ALCAM: variants seen among roughly 807,000 people sequenced by gnomAD.
ALCAM encodes CD166 antigen.
A neutral mutation model predicts 70.9 loss-of-function variants in ALCAM; 30 were observed. The ratio of observed to expected loss-of-function variants is 0.42; its 90% CI spans 0.32 to 0.57. ALCAM has a LOEUF of 0.57. Ranked by LOEUF, ALCAM falls within the 20% of genes least tolerant of loss-of-function variation. ALCAM has a pLI of 0.11. For synonymous variants in ALCAM, 249 were observed against 242.5 expected (o/e 1.03, Z -0.25); for missense variants, 591 against 695.1 (o/e 0.85, Z 1.68).
intron 1 of ALCAM, among the ~76,000 whole-genome samples, chr3:105,416,548 T>G (rs970218547): frequency 1.3e-5 from 2 of 152,010 alleles, no homozygotes; most frequent in Admixed American, 1.3e-4. Flanking sequence ...TTGCATATTA[T>G]TATTATTGAT....
intron 6 of ALCAM, among the ~76,000 whole-genome samples, chr3:105,535,293 G>A (rs1048492494): frequency 2.0e-5 from 3 of 152,128 alleles, no homozygotes; most frequent in Non-Finnish European, 4.4e-5. Flanking sequence ...TTGAAACAGA[G>A]TATTTGTCTA....
intron 1 of ALCAM, among the ~76,000 whole-genome samples, chr3:105,492,745 G>A (rs1427175983): frequency 6.6e-6 from 1 of 151,890 alleles, no homozygotes; most frequent in East Asian, 1.9e-4. Flanking sequence ...CTATTTTTGG[G>A]GTATTAATTT....
intron 1 of ALCAM, among the ~76,000 whole-genome samples, chr3:105,369,748 C>T (rs985845405): frequency 1.3e-5 from 2 of 152,002 alleles, no homozygotes; most frequent in African/African-American, 4.8e-5. Context: ...GTCAAAAACT[C>T]GAGTTTGTGA....
intron 1 of ALCAM, among the ~76,000 whole-genome samples, chr3:105,450,931 G>A (rs1445777619): frequency 6.6e-6 from 1 of 152,100 alleles, no homozygotes; most frequent in Admixed American, 6.6e-5. Context: ...ATGACGTAGA[G>A]TTTTAATTAA....
chr3:105,547,593 C>A lies in ALCAM; in HGVS notation c.1374+70C>A, dbSNP rs1225929469. On this transcript the variant is annotated intron_variant, in intron 11 of 15. Transcript: ENST00000306107. ...GTTTTTTTTCCTTCACGAACCTACC[C>A]TATAGGTTGGTTTGTTACCACATAA... is the stretch of plus-strand genomic sequence containing the variant. 63 of 1,545,162 alleles carry A rather than the reference C, an allele frequency of 4.1e-5. 1 individual carries two copies. In the Middle Eastern group the frequency reaches 1.0e-3, roughly 25 times the overall value.
rs1285235452 is a variant in ALCAM, at chr3:105,498,511, G to GTGTA, written c.74-21553_74-21552insATGT. Reference sequence around the variant, plus strand: ...GTTAGCCTGCCAAATGTGTGTGTGTGTGTGTGTGTTTTAATCATCTTTCTC... The same window carrying GTGTA: ...GTTAGCCTGCCAAATGTGTGTGTGTGTGTATGTGTGTGTTTTAATCATCTTTCTC... On this transcript the variant is annotated intron_variant, in intron 1 of 15. Coordinates refer to ENST00000306107, the MANE Select transcript of ALCAM (RefSeq NM_001627.4). Among the ~76,000 whole-genome samples the GTGTA allele has an allele frequency of 2.3e-4, 35 of 152,016 alleles. 1 individual carries two copies. The highest frequency in any genetic ancestry group is 1.3e-4 in the Non-Finnish European group (9 of 68,010).
chr3:105,409,164 A>G (rs1212319858), intron 1 of ALCAM, among the ~76,000 whole-genome samples: 1 of 152,048 alleles, frequency 6.6e-6, no homozygotes, highest in African/African-American at 2.4e-5. Context: ...CTAAAAGTAG[A>G]TCTACTATTT....
intron 1 of ALCAM, among the ~76,000 whole-genome samples, chr3:105,376,200 G>T (rs1205671566): frequency 6.6e-6 from 1 of 152,158 alleles, no homozygotes; most frequent in Admixed American, 6.5e-5. Flanking sequence ...GTAAAAGAAG[G>T]GTTGTTGGAA....
chr3:105,383,881 T>C (rs1303524202), intron 1 of ALCAM, among the ~76,000 whole-genome samples: 3 of 151,730 alleles, frequency 2.0e-5, no homozygotes, highest in Non-Finnish European at 1.5e-5. Context: ...TAGAAGTAAA[T>C]TAATGGTAAT....
intron 1 of ALCAM, among the ~76,000 whole-genome samples, chr3:105,415,014 A>G (rs1356960482): frequency 6.6e-6 from 1 of 152,116 alleles, no homozygotes; most frequent in Non-Finnish European, 1.5e-5. Flanking sequence ...GAGCTGACTC[A>G]AGAGATCTAT....
chr3:105,452,201 C>T (rs1211783985), intron 1 of ALCAM, among the ~76,000 whole-genome samples: 1 of 151,598 alleles, frequency 6.6e-6, no homozygotes, highest in African/African-American at 2.4e-5. Context: ...ATTGACCCAT[C>T]CTCTAAGTTC....
In ALCAM at chr3:105,539,285, A is replaced by G. The variant is rs969883671; in HGVS notation, c.731-690A>G. ...TTCACTGTATCCAGCATTTAATTTC[A>G]TTAGCATTCTACTATTGAGTGCTGA... On this transcript the variant is annotated intron_variant, in intron 6 of 15. Coordinates refer to ENST00000306107, the MANE Select transcript of ALCAM (RefSeq NM_001627.4). 6.6e-5 allele frequency among the ~76,000 whole-genome samples: 10 copies of G among 152,054 alleles called. 1 individual carries two copies. Among genetic ancestry groups the G allele is most frequent in the Admixed American group, 3.9e-4 (6 of 15,236 alleles).
At chr3:105,378,857 C>G (rs1935443597) in intron 1 of ALCAM, among the ~76,000 whole-genome samples, 2 of 151,870 alleles carry the variant, frequency 1.3e-5, no homozygotes, top group Admixed American at 1.3e-4. Flanking sequence ...TTCTAGAATC[C>G]ATCCAAAGTG....
chr3:105,404,770 T>A (rs1285206268), intron 1 of ALCAM, among the ~76,000 whole-genome samples: 1 of 151,922 alleles, frequency 6.6e-6, no homozygotes, highest in Non-Finnish European at 1.5e-5. Context: ...ATGACCTAAA[T>A]GCTCCACTTA....
intron 1 of ALCAM, among the ~76,000 whole-genome samples, chr3:105,419,839 T>A (rs1193248896): frequency 1.3e-5 from 2 of 151,818 alleles, no homozygotes; most frequent in Non-Finnish European, 2.9e-5. Flanking sequence ...CAAGTAATTA[T>A]AATATCACAT....
At chr3:105,438,832 A>C (rs1045395080) in intron 1 of ALCAM, among the ~76,000 whole-genome samples, 2 of 152,118 alleles carry the variant, frequency 1.3e-5, no homozygotes, top group African/African-American at 4.8e-5. Flanking sequence ...AGGATTGTGC[A>C]CTGCACTCTA....
chr3:105,521,768 A>G (rs1286837517), intron 2 of ALCAM, among the ~76,000 whole-genome samples: 1 of 152,140 alleles, frequency 6.6e-6, no homozygotes, highest in Admixed American at 6.5e-5. Context: ...TCCTAACCAT[A>G]CTATGCTCGT....
intron 1 of ALCAM, among the ~76,000 whole-genome samples, chr3:105,474,595 G>GAA (rs141419596): frequency 4.1e-5 from 6 of 145,800 alleles, no homozygotes; most frequent in Non-Finnish European, 9.1e-5. Flanking sequence ...CTTTTCTTGC[G>GAA]AAAAAAAAAG....
intron 1 of ALCAM, among the ~76,000 whole-genome samples, chr3:105,465,178 A>C (rs1463461484): frequency 6.6e-6 from 1 of 151,520 alleles, no homozygotes; most frequent in Non-Finnish European, 1.5e-5. Context: ...CTGTGGCAAG[A>C]AAGAGCTAAA....
Sources: gnomAD v4.1 joint callset for allele counts (sites outside exome capture counted in the v4.1 genomes callset) on GRCh38, gnomAD v4.1.1 for gene constraint, MANE v1.5 for transcripts, NCBI Gene and HGNC (gene_info 2026-07-23, HGNC 2026-07-21) for gene names.